ADAMTS3: variants seen among roughly 807,000 people sequenced by gnomAD.
ADAMTS3 encodes the protein A disintegrin and metalloproteinase with thrombospondin motifs 3.
In ADAMTS3, 73 loss-of-function variants were observed where a neutral mutation model predicts 129.0. The observed-to-expected ratio is 0.57, with a 90% confidence interval of 0.47 to 0.69. The LOEUF (loss-of-function observed/expected upper bound fraction) is 0.69. Ranked by LOEUF, ADAMTS3 falls within the 30% of genes least tolerant of loss-of-function variation. The pLI, the probability that ADAMTS3 is intolerant of heterozygous loss-of-function variation, is 0.00. For missense variants in ADAMTS3, 1,457 were observed against 1,514.5 expected (o/e 0.96, Z 0.63); for synonymous variants, 477 against 510.8 (o/e 0.93, Z 0.89).
intron 4 of ADAMTS3, among the ~76,000 whole-genome samples, chr4:72,388,595 AAAAT>A (rs750769478): frequency 1.4e-4 from 22 of 152,190 alleles, no homozygotes; most frequent in Non-Finnish European, 7.3e-5. Flanking sequence ...AACATTAGAA[AAAAT>A]AAATAAATGT....
chr4:72,429,531 A>T (rs1242788446), intron 3 of ADAMTS3, among the ~76,000 whole-genome samples: 1 of 152,086 alleles, frequency 6.6e-6, no homozygotes, highest in Non-Finnish European at 1.5e-5. Context: ...CATTATTCAA[A>T]AAAGCATTAT....
Position 72,288,814 on chromosome 4 carries a change from C to T in ADAMTS3, c.2986G>A (p.Gly996Arg), listed in dbSNP as rs371468788. ...GGCTTTTCACCATCACAGTGGTCCC[C>T]AGCCCTGCAGAGGACCTGCCTCACC... ...TEVRQVLCRA[G>R]DHCDGEKPES... Residue 996 changes from glycine to arginine, a missense_variant, in exon 21 of 22, where the codon GGG becomes AGG. Coordinates refer to ENST00000286657, the MANE Select transcript of ADAMTS3 (RefSeq NM_014243.3). 5.0e-5 allele frequency: 81 copies of T among 1,613,830 alleles called. No individual in the cohort carries two copies. Among genetic ancestry groups the T allele is most frequent in the Non-Finnish European group, 6.7e-5 (79 of 1,179,996 alleles).
At chr4:72,530,232 T>TG (rs1453974904) in intron 3 of ADAMTS3, among the ~76,000 whole-genome samples, 25 of 79,276 alleles carry the variant, frequency 3.2e-4, no homozygotes, top group African/African-American at 1.3e-3. Flanking sequence ...ATATATTATA[T>TG]ATATTAAATA....
intron 8 of ADAMTS3, 110 bp downstream of exon 8, chr4:72,319,748 A>C: frequency 1.0e-6 from 1 of 960,756 alleles, no homozygotes; most frequent in Non-Finnish European, 1.6e-6. Context: ...ACTTGGCAAA[A>C]GACAAGAATT....
chr4:72,297,212 C>T (rs1417775464), intron 18 of ADAMTS3, among the ~76,000 whole-genome samples: 1 of 151,892 alleles, frequency 6.6e-6, no homozygotes, highest in Admixed American at 6.6e-5. Flanking sequence ...ATCGTCCCTC[C>T]CAAAGTGGTG....
intron 3 of ADAMTS3, among the ~76,000 whole-genome samples, chr4:72,478,671 G>C (rs1418250738): frequency 1.3e-5 from 2 of 150,466 alleles, no homozygotes; most frequent in Non-Finnish European, 3.0e-5. Context: ...CTATTCAACA[G>C]AGTGTTGGAA....
rs117942572 is a variant in ADAMTS3, at chr4:72,347,521, C to G, written c.662-7828G>C. Among the ~76,000 whole-genome samples, 516 of 151,966 alleles carry G rather than the reference C, an allele frequency of 3.4e-3. 16 individuals are homozygous for G. The highest frequency in any genetic ancestry group is 0.027 in the East Asian group (139 of 5,166). On this transcript the variant is annotated intron_variant, in intron 4 of 21. Coordinates refer to ENST00000286657, the MANE Select transcript of ADAMTS3 (RefSeq NM_014243.3). ...ATTTGTTTATTTTATTCTCTCGGTT[C>G]TATTTTAAATGAATAATGTTGTTAC...
intron 3 of ADAMTS3, among the ~76,000 whole-genome samples, chr4:72,531,577 A>G (rs181951868): frequency 2.0e-5 from 3 of 152,132 alleles, no homozygotes; most frequent in African/African-American, 7.2e-5. Context: ...TGGCTGGCTC[A>G]TGGGAGCCCA....
chr4:72,328,050 G>T (rs1434072010), intron 5 of ADAMTS3, among the ~76,000 whole-genome samples: 4 of 152,180 alleles, frequency 2.6e-5, no homozygotes. Context: ...CATTCTAAGT[G>T]ACGTATTTGA....
At chr4:72,452,407 A>G (rs913929709) in intron 3 of ADAMTS3, among the ~76,000 whole-genome samples, 1 of 151,694 alleles carries the variant, frequency 6.6e-6, no homozygotes, top group Admixed American at 6.6e-5. Flanking sequence ...TCTTTCTTAT[A>G]AACAAAACTG....
intron 3 of ADAMTS3, among the ~76,000 whole-genome samples, chr4:72,520,942 C>T (rs988678201): frequency 1.3e-5 from 2 of 152,018 alleles, no homozygotes; most frequent in African/African-American, 4.8e-5. Flanking sequence ...ATCGCTCACG[C>T]TGGGAGCTGT....
intron 4 of ADAMTS3, among the ~76,000 whole-genome samples, chr4:72,381,557 A>G (rs1296495605): frequency 6.6e-6 from 1 of 152,090 alleles, no homozygotes; most frequent in Non-Finnish European, 1.5e-5. Context: ...TTCTCTCTCA[A>G]CTGACACCTA....
intron 17 of ADAMTS3, among the ~76,000 whole-genome samples, chr4:72,300,893 G>C (rs1718932725): frequency 1.3e-5 from 2 of 152,074 alleles, no homozygotes; most frequent in Admixed American, 6.6e-5. Flanking sequence ...GACTAAGCTT[G>C]GAAGCAGAGT....
rs1223300250 is a variant in ADAMTS3, at chr4:72,530,629, TATATA to T, written c.504+17844_504+17848del. On this transcript the variant is annotated intron_variant, in intron 3 of 21. Coordinates refer to ENST00000286657, the MANE Select transcript of ADAMTS3 (RefSeq NM_014243.3). The stretch of plus-strand genomic sequence containing the variant: ...ATATATATTATATAATATATATTAT[TATATA>T]ATATATTATATATAATATTATATAT... 8.2e-3 allele frequency among the ~76,000 whole-genome samples: 691 copies of T among 84,700 alleles called. 5 individuals carry two copies. The highest frequency in any genetic ancestry group is 0.012 in the Non-Finnish European group (599 of 49,240). The allele number at this position is 84,700 out of a possible 152,430, so 55.6% of individuals were successfully genotyped here.
intron 4 of ADAMTS3, among the ~76,000 whole-genome samples, chr4:72,340,333 G>GTGTA (rs934530150): frequency 1.3e-5 from 2 of 151,320 alleles, no homozygotes; most frequent in African/African-American, 4.9e-5. Flanking sequence ...GTGTGTGTGT[G>GTGTA]TGTGTATGTG....
chr4:72,434,985 C>A (rs1020716631), intron 3 of ADAMTS3, among the ~76,000 whole-genome samples: 1 of 151,844 alleles, frequency 6.6e-6, no homozygotes, highest in African/African-American at 2.4e-5. Context: ...AATTTTGCCA[C>A]CAACCTGAAC....
At chr4:72,460,709 A>G (rs1468553440) in intron 3 of ADAMTS3, among the ~76,000 whole-genome samples, 2 of 151,600 alleles carry the variant, frequency 1.3e-5, no homozygotes, top group Admixed American at 1.3e-4. Context: ...AGAAATGGCC[A>G]CAAGAAATGC....
chr4:72,509,979 G>A (rs1179724117), intron 3 of ADAMTS3, among the ~76,000 whole-genome samples: 3 of 151,478 alleles, frequency 2.0e-5, no homozygotes, highest in African/African-American at 7.3e-5. Context: ...CAATCAGCGT[G>A]ATACATCATA....
chr4:72,379,451 A>C (rs1368175513), intron 4 of ADAMTS3, among the ~76,000 whole-genome samples: 1 of 152,078 alleles, frequency 6.6e-6, no homozygotes. Context: ...AAAAAAAAAA[A>C]AACCCATTTT....
Sources: allele counts gnomAD v4.1 joint callset (sites outside exome capture counted in the v4.1 genomes callset), GRCh38; gene constraint gnomAD v4.1.1; transcripts MANE v1.5; gene names NCBI Gene and HGNC (gene_info 2026-07-23, HGNC 2026-07-21).